The following FCHSD2 variants were observed in gnomAD, a reference collection of about 807,000 sequenced individuals.
The protein encoded by FCHSD2 is F-BAR and double SH3 domains protein 2.
FCHSD2 carries 38 observed loss-of-function variants against 108.1 expected under a neutral mutation model. The observed-to-expected ratio is 0.35, with a 90% CI of 0.27 to 0.46. The LOEUF is 0.46. Among genes scored for constraint, FCHSD2 ranks in the 20% least tolerant of loss-of-function variants. FCHSD2 has a pLI of 1.00. For missense variants in FCHSD2, 751 were observed against 897.8 expected (o/e 0.84, Z 2.09); for synonymous variants, 279 against 314.7 (o/e 0.89, Z 1.20).
intron 2 of FCHSD2, among the ~76,000 whole-genome samples, chr11:73,128,011 C>CAAAAAAAAAA (rs1340416463): frequency 1.4e-5 from 1 of 69,644 alleles, no homozygotes; most frequent in South Asian, 4.4e-4. Flanking sequence ...AAGACCATCT[C>CAAAAAAAAAA]AAAAAAAAAA....
intron 8 of FCHSD2, among the ~76,000 whole-genome samples, chr11:72,940,162 T>G (rs1023356816): frequency 2.6e-5 from 4 of 152,220 alleles, no homozygotes; most frequent in Non-Finnish European, 5.9e-5. Context: ...TGGAATCAGC[T>G]TTGCCATCAT....
intron 8 of FCHSD2, 50 bp downstream of exon 8, chr11:72,984,038 T>G: frequency 4.0e-6 from 6 of 1,507,144 alleles, no homozygotes; most frequent in Non-Finnish European, 5.5e-6. Flanking sequence ...ACTTAAGTTG[T>G]TTTTGTTTTC....
At chr11:72,843,061 G>C in intron 16 of FCHSD2, 90 bp downstream of exon 16, 1 of 1,279,630 alleles carries the variant, frequency 7.8e-7, no homozygotes, top group South Asian at 1.3e-5. Context: ...GAGGAAAGTT[G>C]TGCTTTTTAT....
intron 8 of FCHSD2, among the ~76,000 whole-genome samples, chr11:72,924,353 C>T (rs1591402521): frequency 6.6e-6 from 1 of 152,194 alleles, no homozygotes; most frequent in East Asian, 1.9e-4. Flanking sequence ...TCTCGGCTCA[C>T]TGCAAGCTCT....
chr11:73,028,774 T>C (rs1318954313), intron 3 of FCHSD2, among the ~76,000 whole-genome samples: 3 of 152,178 alleles, frequency 2.0e-5, no homozygotes, highest in African/African-American at 4.8e-5. Context: ...ATTTTCCTCA[T>C]GCTGGTCTCA....
intron 3 of FCHSD2, among the ~76,000 whole-genome samples, chr11:73,025,772 A>C (rs1858213569): frequency 6.6e-6 from 1 of 152,190 alleles, no homozygotes; most frequent in South Asian, 2.1e-4. Context: ...CTTATGACTA[A>C]GAATTTTTTT....
At chr11:72,994,404 C>T (rs1467343486) in intron 5 of FCHSD2, among the ~76,000 whole-genome samples, 2 of 152,106 alleles carry the variant, frequency 1.3e-5, no homozygotes, top group East Asian at 3.8e-4. Flanking sequence ...GTAGTAGCAG[C>T]AGCAGCAGTA....
intron 8 of FCHSD2, among the ~76,000 whole-genome samples, chr11:72,961,387 T>C (rs1469127503): frequency 6.6e-6 from 1 of 150,634 alleles, no homozygotes; most frequent in African/African-American, 2.4e-5. Flanking sequence ...TCATGCCTGG[T>C]TTATTTTTAA....
intron 7 of FCHSD2, 37 bp downstream of exon 7, chr11:72,985,025 G>A: frequency 1.2e-6 from 1 of 831,366 alleles, no homozygotes; most frequent in Non-Finnish European, 2.0e-6. Flanking sequence ...AAGCTAAGAG[G>A]TTTCTCAGTT....
intron 3 of FCHSD2, among the ~76,000 whole-genome samples, chr11:73,029,986 G>C (rs184117614): frequency 9.1e-4 from 139 of 152,200 alleles, no homozygotes; most frequent in Middle Eastern, 3.4e-3. Flanking sequence ...GATGTCCAGA[G>C]TCACCACCTT....
At chr11:73,012,932 C>A (rs559721202) in intron 4 of FCHSD2, among the ~76,000 whole-genome samples, 1 of 152,172 alleles carries the variant, frequency 6.6e-6, no homozygotes, top group African/African-American at 2.4e-5. Flanking sequence ...TTGATTTCTG[C>A]TACAATTTCC....
chr11:72,930,815 TGAG>T (rs1856174169), intron 8 of FCHSD2, among the ~76,000 whole-genome samples: 1 of 152,272 alleles, frequency 6.6e-6, no homozygotes, highest in Admixed American at 6.5e-5. Flanking sequence ...TAGTAGGGGT[TGAG>T]GAGGAGGTAG....
intron 13 of FCHSD2, among the ~76,000 whole-genome samples, chr11:72,865,263 A>T (rs1854695892): frequency 6.6e-6 from 1 of 152,150 alleles, no homozygotes; most frequent in South Asian, 2.1e-4. Context: ...AAGAGATACA[A>T]CCCCCTCTAA....
chr11:72,849,660 A>T (rs1861231507), intron 14 of FCHSD2, 95 bp downstream of exon 14: 2 of 974,822 alleles, frequency 2.1e-6, no homozygotes, highest in African/African-American at 1.6e-5. Context: ...TAACAATTTT[A>T]TGCTAAGTAC....
chr11:73,070,051 T>C (rs751119094), intron 3 of FCHSD2, among the ~76,000 whole-genome samples: 26 of 152,202 alleles, frequency 1.7e-4, no homozygotes, highest in Non-Finnish European at 2.8e-4. Context: ...AAGGGAAACT[T>C]ATCAGTCACA....
chr11:72,849,656 T>C (rs966679256), intron 14 of FCHSD2, 99 bp downstream of exon 14: 24 of 967,396 alleles, frequency 2.5e-5, no homozygotes, highest in Admixed American at 6.8e-5. Context: ...CTAATAACAA[T>C]TTTATGCTAA....
At chr11:73,124,400 A>G (rs1386708053) in intron 2 of FCHSD2, among the ~76,000 whole-genome samples, 2 of 152,186 alleles carry the variant, frequency 1.3e-5, no homozygotes, top group Non-Finnish European at 2.9e-5. Context: ...CCTAGAACTT[A>G]AAGTATAATA....
chr11:73,128,642 T>A (rs1860916567), intron 2 of FCHSD2, among the ~76,000 whole-genome samples: 1 of 152,202 alleles, frequency 6.6e-6, no homozygotes, highest in Non-Finnish European at 1.5e-5. Flanking sequence ...GCTCTCCTCT[T>A]CTTCCACCTG....
chr11:72,924,427 G>A (rs1184267019), intron 8 of FCHSD2, among the ~76,000 whole-genome samples: 1 of 147,034 alleles, frequency 6.8e-6, no homozygotes, highest in Non-Finnish European at 1.5e-5. Flanking sequence ...ACAGGTGCCC[G>A]CCACCACACC....
Sources: allele counts gnomAD v4.1 joint callset (sites outside exome capture counted in the v4.1 genomes callset), GRCh38; gene constraint gnomAD v4.1.1; transcripts MANE v1.5; gene names NCBI Gene and HGNC (gene_info 2026-07-23, HGNC 2026-07-21).